The following FCGRT variants were observed in gnomAD, a reference collection of about 807,000 sequenced individuals.
FCGRT encodes IgG receptor FcRn large subunit p51.
FCGRT carries 13 observed loss-of-function variants against 35.7 expected under a neutral mutation model. The observed-to-expected ratio is 0.36, with a 90% confidence interval of 0.24 to 0.58. FCGRT has a LOEUF of 0.58. Ranked by LOEUF, FCGRT falls within the 20% of genes least tolerant of loss-of-function variation. FCGRT has a pLI of 0.77. For missense variants in FCGRT, 455 were observed against 474.9 expected (o/e 0.96, Z 0.39); for synonymous variants, 233 against 216.5 (o/e 1.08, Z -0.67).
intron 6 of FCGRT, 177 bp from the exon 7 acceptor site, chr19:49,525,833 G>A (rs2080072798): frequency 4.4e-6 from 3 of 677,664 alleles, no homozygotes; most frequent in Non-Finnish European, 7.9e-6. Context: ...GAGGAGGGAG[G>A]CAAAGATGTA....
Position 49,525,487 on chromosome 19 carries a change from T to G in FCGRT, c.902T>G (p.Val301Gly), listed in dbSNP as rs766845001. The stretch of plus-strand genomic sequence containing the variant: ...CCAGCCAAGTCCTCCGTGCTCGTGG[T>G]GGGAATCGTCATCGGTGTCTTGCTA... ...ESPAKSSVLVVGIVIGVLLLT... is the reference protein window; with the variant it reads ...ESPAKSSVLVGGIVIGVLLLT... The change falls in exon 6 of 7, where the codon GTG (valine) becomes GGG (glycine). Residue 301 changes from valine to glycine, a missense_variant. By Grantham distance (109) the Val-to-Gly change is moderately radical (BLOSUM62 -3). This residue lies in a region of FCGRT where 312 missense variants were observed against 296.1 expected (regional missense o/e 1.05). Transcript: ENST00000221466. The G allele has an allele frequency of 1.2e-6, 2 of 1,613,772 alleles. No individual in the cohort carries two copies. The highest frequency in any genetic ancestry group is 1.7e-6 in the Non-Finnish European group (2 of 1,179,898).
At chr19:49,517,531 AAG>A (rs2080015031) in intron 4 of FCGRT, among the ~76,000 whole-genome samples, 1 of 148,714 alleles carries the variant, frequency 6.7e-6, no homozygotes, top group African/African-American at 2.6e-5. Flanking sequence ...GGGAGAGAGA[AAG>A]AGGAAGGAAA....
At position 49,526,048 on chromosome 19, in the gene FCGRT, C is replaced by T. The variant is rs146734541; in HGVS notation, c.1027C>T (p.Leu343Phe). ...ISLRGDDTGVLLPTPGEAQDA... is the reference protein window; with the variant it reads ...ISLRGDDTGVFLPTPGEAQDA... Reference sequence around the variant, plus strand: ...CCTTCGTGGAGACGACACCGGGGTCCTCCTGCCCACCCCAGGGGAGGCCCA... The same window carrying T: ...CCTTCGTGGAGACGACACCGGGGTCTTCCTGCCCACCCCAGGGGAGGCCCA... Residue 343 changes from leucine to phenylalanine, a missense_variant, in exon 7 of 7, where the codon CTC becomes TTC. This residue lies in a region of FCGRT where 312 missense variants were observed against 296.1 expected (regional missense o/e 1.05). Coordinates refer to ENST00000221466, the MANE Select transcript of FCGRT (RefSeq NM_001136019.3). 6 of 1,613,378 alleles carry T rather than the reference C, an allele frequency of 3.7e-6. No homozygotes were observed. Among genetic ancestry groups the T allele is most frequent in the Non-Finnish European group, 4.2e-6 (5 of 1,179,576 alleles).
At chr19:49,520,138 T>G (rs1481307340) in intron 4 of FCGRT, among the ~76,000 whole-genome samples, 1 of 143,744 alleles carries the variant, frequency 7.0e-6, no homozygotes, top group Non-Finnish European at 1.5e-5. Flanking sequence ...GGCTTTTTTT[T>G]TTTTTTTTTT....
chr19:49,521,553 G>A (rs1362540779), intron 4 of FCGRT: 1 of 133,824 alleles, frequency 7.5e-6, no homozygotes, highest in African/African-American at 3.0e-5. Context: ...CTGGGCGACA[G>A]AGACTCCGTC....
intron 4 of FCGRT, among the ~76,000 whole-genome samples, chr19:49,518,865 C>T (rs757045149): frequency 2.0e-5 from 3 of 147,118 alleles, no homozygotes; most frequent in Admixed American, 6.9e-5. Context: ...TTTTTGGAGA[C>T]GGAGTCTCGC....
At chr19:49,513,689 GTCCCCCTCTCTTTCTGGGTCTCTT>G in intron 2 of FCGRT, 169 bp from the exon 3 acceptor site, 1 of 562,844 alleles carries the variant, frequency 1.8e-6, no homozygotes, top group African/African-American at 2.0e-5. Flanking sequence ...CTGGGTCTCT[GTCCCCCTCTCTTTCTGGGTCTCTT>G]GTCTCTCTCT....
chr19:49,522,215 G>C (rs2080045145), intron 4 of FCGRT, among the ~76,000 whole-genome samples: 1 of 151,132 alleles, frequency 6.6e-6, no homozygotes, highest in South Asian at 2.1e-4. Flanking sequence ...CAGAGTAGGT[G>C]GGACCACAGG....
chr19:49,518,351 TC>T (rs2080020564), intron 4 of FCGRT, among the ~76,000 whole-genome samples: 1 of 150,834 alleles, frequency 6.6e-6, no homozygotes, highest in South Asian at 2.1e-4. Flanking sequence ...GTTGAATTTT[TC>T]TTTCTTTCTT....
chr19:49,525,917 A>G (rs924025845), intron 6 of FCGRT, 93 bp from the exon 7 acceptor site: 1 of 813,222 alleles, frequency 1.2e-6, no homozygotes, highest in East Asian at 2.4e-5. Context: ...ACTGAGGAAG[A>G]GTGTGTGAGA....
chr19:49,518,370 T>C (rs1167767215), intron 4 of FCGRT, among the ~76,000 whole-genome samples: 1 of 150,358 alleles, frequency 6.7e-6, no homozygotes. Context: ...CTTTTTTTTT[T>C]TTTTTTTCCT....
At chr19:49,515,662 A>G (rs1217223330) in intron 4 of FCGRT, among the ~76,000 whole-genome samples, 3 of 152,130 alleles carry the variant, frequency 2.0e-5, no homozygotes, top group Admixed American at 6.6e-5. Flanking sequence ...CCTGGCCTCA[A>G]GTGATTCTCT....
intron 4 of FCGRT, among the ~76,000 whole-genome samples, chr19:49,522,593 G>A (rs1420182003): frequency 6.6e-6 from 1 of 150,934 alleles, no homozygotes; most frequent in East Asian, 2.0e-4. Context: ...CACCATGCCT[G>A]GCTAATTTTT....
Position 49,515,532 on chromosome 19 carries a change from C to G in FCGRT, c.601+1046C>G, listed in dbSNP as rs150477758. 5.3e-5 allele frequency among the ~76,000 whole-genome samples: 8 copies of G among 152,240 alleles called. No individual in the cohort carries two copies. The East Asian group carries it at 1.5e-3, about 29-fold the overall frequency. On this transcript the variant is annotated intron_variant, in intron 4 of 6. Coordinates refer to ENST00000221466, the MANE Select transcript of FCGRT (RefSeq NM_001136019.3). ...TTGACCTCAAGTGATCCACCCACCT[C>G]CGCCTCCCAAAGTGCTGGGATTACA...
chr19:49,513,415 G>T lies in FCGRT; in HGVS notation c.15G>T (p.Arg5=). 1 of 1,244,672 alleles carries T rather than the reference G, an allele frequency of 8.0e-7. No homozygotes were observed. The allele number at this position is 1,244,672 out of a possible 1,614,324, so 77.1% of individuals were successfully genotyped here. MGVP[R]PQPWALGLLL... ...GTCCTCTCAGCATGGGGGTCCCGCGGCCTCAGCCCTGGGCGCTGGGGCTCC... is the reference window on the plus strand; with the variant it reads ...GTCCTCTCAGCATGGGGGTCCCGCGTCCTCAGCCCTGGGCGCTGGGGCTCC... Residue 5 remains arginine, a synonymous_variant, in exon 2 of 7, where the codon CGG becomes CGT. Transcript: ENST00000221466.
At position 49,513,375 on chromosome 19, in the gene FCGRT, C is replaced by A; in HGVS notation, c.-14-12C>A. 1 of 1,226,758 alleles carries A rather than the reference C, an allele frequency of 8.2e-7. No homozygotes were observed. Among genetic ancestry groups the A allele is most frequent in the South Asian group, 4.2e-5 (1 of 24,078 alleles). The allele number at this position is 1,226,758 out of a possible 1,614,324, so 76.0% of individuals were successfully genotyped here. ...GGGGTCGGGAGGAGTCACGTGCCCC[C>A]TCCCGCCCCAGGTCGTCCTCTCAGC... On this transcript the variant is annotated splice_polypyrimidine_tract_variant and intron_variant, in intron 1 of 6. Coordinates refer to ENST00000221466, the MANE Select transcript of FCGRT (RefSeq NM_001136019.3).
intron 5 of FCGRT, chr19:49,525,110 A>G (rs1427385685): frequency 7.4e-6 from 4 of 538,746 alleles, no homozygotes; most frequent in African/African-American, 1.9e-5. Context: ...GTTGTCTGCT[A>G]TGCCCGTCCT....
intron 2 of FCGRT, 89 bp from the exon 3 acceptor site, chr19:49,513,793 A>G (rs920774923): frequency 5.7e-6 from 6 of 1,057,266 alleles, no homozygotes; most frequent in Non-Finnish European, 7.5e-6. Context: ...CTCCCTCCAT[A>G]ATAGATTCTT....
intron 4 of FCGRT, among the ~76,000 whole-genome samples, chr19:49,518,471 T>G (rs1328409487): frequency 6.6e-6 from 1 of 151,708 alleles, no homozygotes; most frequent in Admixed American, 6.6e-5. Flanking sequence ...GCTCAAGTAA[T>G]TCTCCCACTT....
Sources: allele counts gnomAD v4.1 joint callset (sites outside exome capture counted in the v4.1 genomes callset), GRCh38; gene constraint gnomAD v4.1.1; regional missense constraint gnomAD v4.1.1; transcripts MANE v1.5; gene names NCBI Gene and HGNC (gene_info 2026-07-23, HGNC 2026-07-21).